B3GNT3: variants seen among roughly 807,000 people sequenced by gnomAD.
B3GNT3 encodes the protein UDP-GlcNAc:betaGal beta-1,3-N-acetylglucosaminyltransferase 3.
In B3GNT3, 7 loss-of-function variants were observed where a neutral mutation model predicts 11.6. The observed-to-expected ratio is 0.60, with a 90% CI of 0.34 to 1.13. The LOEUF is 1.13. Ranked by LOEUF, B3GNT3 falls within the 50% of genes most tolerant of loss-of-function variation. The pLI is 0.03. For missense variants in B3GNT3, 400 were observed against 507.4 expected, an observed-to-expected ratio of 0.79 and a Z score of 2.03; for synonymous variants, 201 against 222.1, an observed-to-expected ratio of 0.90 and a Z score of 0.85.
intron 1 of B3GNT3, among the ~76,000 whole-genome samples, chr19:17,804,765 C>A (rs1025309296): frequency 2.6e-5 from 4 of 151,936 alleles, no homozygotes; most frequent in Non-Finnish European, 5.9e-5. Flanking sequence ...ACCATGTTGG[C>A]CAGGCTGGTC....
At chr19:17,797,840 C>T (rs1308724872) in intron 1 of B3GNT3, among the ~76,000 whole-genome samples, 1 of 152,162 alleles carries the variant, frequency 6.6e-6, no homozygotes, top group Non-Finnish European at 1.5e-5. Flanking sequence ...TTCTTTTCTT[C>T]CCCTTCTGTT....
Position 17,798,087 on chromosome 19 carries a change from G to A in B3GNT3, c.-51+2881G>A, listed in dbSNP as rs139410790. On this transcript the variant is annotated intron_variant, in intron 1 of 2. Transcript: ENST00000318683. ...TCTGGAAGGCTCAGTGAGACTCCTC[G>A]GGTTCCTCCACAGGCCAGGGGCTCA... 2.6e-3 allele frequency among the ~76,000 whole-genome samples: 402 copies of A among 152,186 alleles called. 4 individuals are homozygous for A. The highest frequency in any genetic ancestry group is 9.2e-3 in the African/African-American group (384 of 41,522).
At chr19:17,797,953 G>T (rs2094161378) in intron 1 of B3GNT3, among the ~76,000 whole-genome samples, 1 of 152,210 alleles carries the variant, frequency 6.6e-6, no homozygotes, top group Non-Finnish European at 1.5e-5. Flanking sequence ...GGGGCTGGCA[G>T]ATCAGGGTTC....
rs2094172832 is a variant in B3GNT3, at chr19:17,806,191, GGCTGCT to G, written c.-50-1565_-50-1560del. ...AGAGTGGGTTTCCCCATGTTGGCCA[GGCTGCT>G]GTTGAACTCCTGACCTCAAGTAATC... On this transcript the variant is annotated intron_variant, in intron 1 of 2. Coordinates refer to ENST00000318683, the MANE Select transcript of B3GNT3 (RefSeq NM_014256.4). Among the ~76,000 whole-genome samples the G allele has an allele frequency of 2.0e-5, 3 of 150,990 alleles. No individual in the cohort carries two copies. In the South Asian group the frequency reaches 6.3e-4, roughly 32 times the overall value.
intron 1 of B3GNT3, among the ~76,000 whole-genome samples, chr19:17,796,418 C>G (rs2094159572): frequency 6.6e-6 from 1 of 152,134 alleles, no homozygotes; most frequent in African/African-American, 2.4e-5. Flanking sequence ...GGACACTTCT[C>G]AAGAGGAAAC....
At chr19:17,796,531 G>C (rs990839273) in intron 1 of B3GNT3, among the ~76,000 whole-genome samples, 22 of 152,184 alleles carry the variant, frequency 1.4e-4, no homozygotes, top group African/African-American at 5.3e-4. Context: ...GCCAGCCCTG[G>C]GGGCCATCAC....
intron 1 of B3GNT3, among the ~76,000 whole-genome samples, chr19:17,806,734 A>T (rs548882249): frequency 6.6e-6 from 1 of 152,190 alleles, no homozygotes; most frequent in East Asian, 1.9e-4. Context: ...TGGGCAGATC[A>T]TGAGGTCAGG....
At chr19:17,810,719 T>G (rs2094179518) in intron 2 of B3GNT3, among the ~76,000 whole-genome samples, 1 of 151,578 alleles carries the variant, frequency 6.6e-6, no homozygotes, top group African/African-American at 2.4e-5. Flanking sequence ...CTGTCTCTAC[T>G]AAATACAAAA....
intron 2 of B3GNT3, among the ~76,000 whole-genome samples, chr19:17,808,795 A>T (rs534986421): frequency 1.4e-4 from 21 of 152,116 alleles, no homozygotes; most frequent in African/African-American, 4.6e-4. Flanking sequence ...TGGATGTCCA[A>T]CTCAACTTGG....
intron 1 of B3GNT3, among the ~76,000 whole-genome samples, chr19:17,797,594 G>A (rs2094160860): frequency 6.6e-6 from 1 of 152,124 alleles, no homozygotes; most frequent in Non-Finnish European, 1.5e-5. Context: ...GGTAGGGCTG[G>A]CATGGATGAC....
chr19:17,795,867 T>C (rs1254660304), intron 1 of B3GNT3, among the ~76,000 whole-genome samples: 1 of 152,292 alleles, frequency 6.6e-6, no homozygotes, highest in African/African-American at 2.4e-5. Context: ...GTTAGGTCTC[T>C]GAGCCTCAGT....
At chr19:17,807,714 C>A in intron 1 of B3GNT3, 44 bp from the exon 2 acceptor site, 2 of 1,243,478 alleles carry the variant, frequency 1.6e-6, no homozygotes, top group Admixed American at 2.5e-5. Context: ...ACAGGAAAAG[C>A]GCTTTGCTCA....
chr19:17,804,226 TC>T (rs1390319940), intron 1 of B3GNT3, among the ~76,000 whole-genome samples: 1 of 150,100 alleles, frequency 6.7e-6, no homozygotes, highest in African/African-American at 2.4e-5. Context: ...TTCTTTTCTT[TC>T]TTTCTTTTTT....
chr19:17,801,479 G>A (rs1419308842), intron 1 of B3GNT3, among the ~76,000 whole-genome samples: 2 of 150,258 alleles, frequency 1.3e-5, no homozygotes, highest in African/African-American at 4.9e-5. Flanking sequence ...ACCATACCCA[G>A]CTGTTTTTTG....
At chr19:17,800,966 A>G (rs2094165447) in intron 1 of B3GNT3, among the ~76,000 whole-genome samples, 1 of 151,816 alleles carries the variant, frequency 6.6e-6, no homozygotes, top group South Asian at 2.1e-4. Flanking sequence ...CAGAGGCTCT[A>G]TCTAAAATAT....
At chr19:17,809,478 G>A (rs560006610) in intron 2 of B3GNT3, among the ~76,000 whole-genome samples, 65 of 151,346 alleles carry the variant, frequency 4.3e-4, no homozygotes, top group Non-Finnish European at 7.5e-4. Flanking sequence ...ATGGAGTCTG[G>A]CTCTGTCCCC....
chr19:17,804,751 T>G (rs2094171017), intron 1 of B3GNT3, among the ~76,000 whole-genome samples: 1 of 151,548 alleles, frequency 6.6e-6, no homozygotes, highest in Non-Finnish European at 1.5e-5. Flanking sequence ...GAGACGGGGG[T>G]TTCACCATGT....
intron 2 of B3GNT3, 31 bp downstream of exon 2, chr19:17,808,405 C>T: frequency 1.3e-6 from 2 of 1,557,798 alleles, no homozygotes; most frequent in African/African-American, 1.4e-5. Flanking sequence ...CTGATCGGGG[C>T]CACCTGTCCT....
rs77153256 is a variant in B3GNT3, at chr19:17,811,233, A to C, written c.568-338A>C. 5.9e-5 allele frequency among the ~76,000 whole-genome samples: 9 copies of C among 152,190 alleles called. No homozygotes were observed. Among genetic ancestry groups the C allele is most frequent in the African/African-American group, 1.9e-4 (8 of 41,446 alleles). ...TGTCTCAGAAACAAACAAAATTCAT[A>C]CAAATGATTATTTAACAACAGGGCT... On this transcript the variant is annotated intron_variant, in intron 2 of 2. Coordinates refer to ENST00000318683, the MANE Select transcript of B3GNT3 (RefSeq NM_014256.4). This position sits in a 1 kb window ranked among gnomAD's most constrained non-coding sequence, Gnocchi z 4.1.
Sources: allele counts gnomAD v4.1 joint callset (sites outside exome capture counted in the v4.1 genomes callset), GRCh38; gene constraint gnomAD v4.1.1; non-coding constraint Gnocchi (gnomAD v3.1); transcripts MANE v1.5; gene names NCBI Gene and HGNC (gene_info 2026-07-23, HGNC 2026-07-21).